NUP42: variants seen among roughly 807,000 people sequenced by gnomAD.
The protein encoded by NUP42 is nucleoporin 42.
A neutral mutation model predicts 35.9 loss-of-function variants in NUP42; 47 were observed. The observed-to-expected ratio is 1.31, with a 90% CI of 1.04 to 1.67. The LOEUF (loss-of-function observed/expected upper bound fraction) is 1.67, where lower values mean the gene tolerates loss of function less well. Ranked by LOEUF, NUP42 falls within the 40% of genes most tolerant of loss-of-function variation. The probability of loss-of-function intolerance (pLI) is 0.00; values close to 1 mark genes in which losing one functional copy is unlikely to be tolerated. For missense variants in NUP42, 514 were observed against 492.2 expected (o/e 1.04, Z -0.42); for synonymous variants, 173 against 173.3 (o/e 1.00, Z 0.01).
At chr7:23,188,620 C>A in intron 3 of NUP42, 1 of 768,032 alleles carries the variant, frequency 1.3e-6, no homozygotes, top group Non-Finnish European at 1.6e-6. Context: ...AGTATGTGTA[C>A]ATGCCATGTA....
At chr7:23,182,615 A>C in intron 1 of NUP42, 9 of 654,530 alleles carry the variant, frequency 1.4e-5, no homozygotes, top group Admixed American at 1.2e-4. Flanking sequence ...ATCTAATAAA[A>C]CCGGCCGGGC....
chr7:23,197,366 G>A (rs1583778069), intron 5 of NUP42: 1 of 421,354 alleles, frequency 2.4e-6, no homozygotes, highest in Admixed American at 3.1e-5. Context: ...TTTCTACTCT[G>A]TATAAGGATA....
intron 3 of NUP42, chr7:23,194,850 G>C (rs6959313): frequency 0.087 from 13,260 of 152,482 alleles, 898 homozygotes; most frequent in African/African-American, 0.18. Context: ...CACCACACCC[G>C]GCTAATTTTT....
At chr7:23,188,431 A>G (rs894997665) in intron 3 of NUP42, 1 of 985,302 alleles carries the variant, frequency 1.0e-6, no homozygotes, top group Non-Finnish European at 1.2e-6. Flanking sequence ...AAGAAACCAC[A>G]AAGTATTAAG....
rs555813708 is a variant in NUP42, at chr7:23,182,319, G to A, written c.121+113G>A. On this transcript the variant is annotated intron_variant, in intron 1 of 6. Transcript: ENST00000258742. ...GTGACCCCAACGTGCCCGCGTCGCG[G>A]CCTTGCCGGCCCTACTGGGCCCTGC... 4,770 of 1,492,222 alleles carry A rather than the reference G, an allele frequency of 3.2e-3. 11 individuals carry two copies. The highest frequency in any genetic ancestry group is 7.0e-3 in the African/African-American group (505 of 71,830). 92.4% of individuals were successfully genotyped at this position (1,492,222 alleles called of 1,614,324 possible).
intron 3 of NUP42, among the ~76,000 whole-genome samples, chr7:23,193,445 G>C (rs1005623840): frequency 3.3e-5 from 5 of 152,146 alleles, no homozygotes; most frequent in African/African-American, 1.2e-4. Context: ...AGATTAGCTA[G>C]ATACAGAGTG....
intron 4 of NUP42, 26 bp from the exon 5 acceptor site, chr7:23,196,654 G>T: frequency 6.7e-7 from 1 of 1,497,750 alleles, no homozygotes; most frequent in East Asian, 2.3e-5. Flanking sequence ...ATATTGAACT[G>T]TTATTTTTCT....
chr7:23,182,427 G>A (rs903661748), intron 1 of NUP42: 1 of 1,359,202 alleles, frequency 7.4e-7, no homozygotes, highest in African/African-American at 1.5e-5. Flanking sequence ...CTGGGTTTGG[G>A]CCTGGATGCT....
At chr7:23,199,834 GT>G (rs1786148317) in intron 6 of NUP42, among the ~76,000 whole-genome samples, 3 of 152,210 alleles carry the variant, frequency 2.0e-5, no homozygotes, top group Admixed American at 1.3e-4. Flanking sequence ...TCTTGTCACT[GT>G]GTATAACAGC....
Position 23,199,528 on chromosome 7 carries a change from C to T in NUP42, c.680C>T (p.Thr227Ile), listed in dbSNP as rs200016707. 6.2e-7 allele frequency: 1 copy of T among 1,613,676 alleles called. No individual in the cohort carries two copies. The highest frequency in any genetic ancestry group is 8.5e-7 in the Non-Finnish European group (1 of 1,179,690). Residue 227 changes from threonine to isoleucine, a missense_variant, in exon 6 of 7, where the codon ACA becomes ATA. By Grantham distance (89) the Thr-to-Ile change is moderately conservative. Transcript: ENST00000258742. ...GGATTTGGCAGCAGTCAAGCAGCAA[C>T]ATTTATGTCGCCAGGTAAGTGATAA... ...AFGFGSSQAA[T>I]FMSPGFPVNN...
chr7:23,198,683 T>C (rs1304711499), intron 5 of NUP42, among the ~76,000 whole-genome samples: 1 of 152,224 alleles, frequency 6.6e-6, no homozygotes, highest in African/African-American at 2.4e-5. Flanking sequence ...GAACATAAAG[T>C]ACTTTCAGGG....
Position 23,200,681 on chromosome 7 carries a change from C to A in NUP42, c.1208C>A (p.Ser403Tyr). ...LTVEELEQFQ[S>Y]KKFTLGKIPL... ...GTAGAAGAACTGGAACAATTTCAAT[C>A]CAAGAAATTTACTCTGGGAAAAATT... The change falls in exon 7 of 7, where the codon TCC becomes TAC. Residue 403 changes from serine to tyrosine, a missense_variant. Coordinates refer to ENST00000258742, the MANE Select transcript of NUP42 (RefSeq NM_007342.3). The A allele has an allele frequency of 6.2e-7, 1 of 1,610,988 alleles. No homozygotes were observed. Among genetic ancestry groups the A allele is most frequent in the Non-Finnish European group, 8.5e-7 (1 of 1,178,848 alleles).
At chr7:23,186,147 ATATT>A (rs1785587127) in intron 2 of NUP42, among the ~76,000 whole-genome samples, 1 of 152,202 alleles carries the variant, frequency 6.6e-6, no homozygotes, top group Non-Finnish European at 1.5e-5. Context: ...TTTCTTGAGA[ATATT>A]TATGGTAAAA....
chr7:23,183,396 T>C (rs924995237), intron 1 of NUP42, among the ~76,000 whole-genome samples: 1 of 152,126 alleles, frequency 6.6e-6, no homozygotes, highest in Non-Finnish European at 1.5e-5. Context: ...AATTTTTGTA[T>C]TTTTAGTAGA....
At position 23,200,988 on chromosome 7, in the gene NUP42, A is replaced by C. The variant is rs1786208701; in HGVS notation, c.*243A>C. Reference sequence around the variant, plus strand: ...GGAACTGAAAAATTATGCACGAATAAAGTACTTTTCTCATGCCATACCACT... The same window carrying C: ...GGAACTGAAAAATTATGCACGAATACAGTACTTTTCTCATGCCATACCACT... On this transcript the variant is annotated 3_prime_UTR_variant, in exon 7 of 7. Coordinates refer to ENST00000258742, the MANE Select transcript of NUP42 (RefSeq NM_007342.3). 3 of 253,094 alleles carry C rather than the reference A, an allele frequency of 1.2e-5. No homozygotes were observed. The highest frequency in any genetic ancestry group is 1.1e-4 in the Admixed American group (2 of 18,434). The allele number at this position is 253,094 out of a possible 1,614,324, so 15.7% of individuals were successfully genotyped here. A position where few individuals can be genotyped will look rare whatever the true frequency, so the allele number is the denominator to read the frequency against.
chr7:23,200,671 C>G lies in NUP42; in HGVS notation c.1198C>G (p.Gln400Glu). 6.2e-7 allele frequency: 1 copy of G among 1,611,852 alleles called. No homozygotes were observed. Among genetic ancestry groups the G allele is most frequent in the Non-Finnish European group, 8.5e-7 (1 of 1,179,202 alleles). ...TAAACTAACAGTAGAAGAACTGGAA[C>G]AATTTCAATCCAAGAAATTTACTCT... is the stretch of plus-strand genomic sequence containing the variant. The part of the protein sequence containing the change: ...RDKLTVEELE[Q>E]FQSKKFTLGK... The change falls in exon 7 of 7, where the codon CAA (glutamine) becomes GAA (glutamate). Residue 400 changes from glutamine to glutamate, a missense_variant. By Grantham distance (29) the Gln-to-Glu change is conservative. Coordinates refer to ENST00000258742, the MANE Select transcript of NUP42 (RefSeq NM_007342.3).
chr7:23,184,488 A>G (rs1370347399), intron 1 of NUP42, among the ~76,000 whole-genome samples: 1 of 152,202 alleles, frequency 6.6e-6, no homozygotes, highest in Non-Finnish European at 1.5e-5. Flanking sequence ...AAGCTTTGTC[A>G]GCTGAATTTA....
intron 3 of NUP42, chr7:23,194,488 G>A (rs1302427535): frequency 6.6e-6 from 1 of 152,168 alleles, no homozygotes; most frequent in Non-Finnish European, 1.5e-5. Flanking sequence ...AGTCTCCCGA[G>A]TAGCTCGGAT....
At position 23,195,909 on chromosome 7, in the gene NUP42, G is replaced by A; in HGVS notation, c.516G>A (p.Gln172=). The A allele has an allele frequency of 1.3e-6, 2 of 1,579,688 alleles. No homozygotes were observed. The highest frequency in any genetic ancestry group is 1.7e-6 in the Non-Finnish European group (2 of 1,154,080). ...ACTTCTTAACCAGCAATAACTTACA[G>A]AGTTATGTAAGTTTGTTTCCTATTA... is the stretch of plus-strand genomic sequence containing the variant. ...YHNFLTSNNL[Q]SYLNSVQRLI... Residue 172 remains glutamine, a synonymous_variant, in exon 4 of 7, where the codon CAG becomes CAA. Coordinates refer to ENST00000258742, the MANE Select transcript of NUP42 (RefSeq NM_007342.3).
Sources: allele counts gnomAD v4.1 joint callset (sites outside exome capture counted in the v4.1 genomes callset), GRCh38; gene constraint gnomAD v4.1.1; transcripts MANE v1.5; gene names NCBI Gene and HGNC (gene_info 2026-07-23, HGNC 2026-07-21).